DST: variants seen among roughly 807,000 people sequenced by gnomAD.
DST encodes dystonin.
A neutral mutation model predicts 875.2 loss-of-function variants in DST; 253 were observed. That is an observed-to-expected ratio of 0.29 (90% CI 0.26 to 0.32). The LOEUF (loss-of-function observed/expected upper bound fraction) is 0.32, where lower values mean the gene tolerates loss of function less well. Among genes scored for constraint, DST ranks in the 10% least tolerant of loss-of-function variants. The probability of loss-of-function intolerance (pLI) is 1.00; values close to 1 mark genes in which losing one functional copy is unlikely to be tolerated. For missense variants in DST, 8,287 were observed against 9,111.6 expected (o/e 0.91, Z 3.68); for synonymous variants, 3,124 against 3,197.1 (o/e 0.98, Z 0.77).
intron 51 of DST, among the ~76,000 whole-genome samples, chr6:56,573,423 A>G (rs2097807871): frequency 6.6e-6 from 1 of 152,202 alleles, no homozygotes. Flanking sequence ...GATAAACAAG[A>G]TAAGACTCAA....
intron 80 of DST, among the ~76,000 whole-genome samples, chr6:56,498,806 G>T (rs2096012103): frequency 6.6e-6 from 1 of 152,032 alleles, no homozygotes; most frequent in African/African-American, 2.4e-5. Context: ...AATATTGGAA[G>T]GCCCTAAAAC....
intron 64 of DST, among the ~76,000 whole-genome samples, 192 bp downstream of exon 64, chr6:56,532,152 G>C (rs2096906888): frequency 1.3e-5 from 2 of 152,076 alleles, no homozygotes; most frequent in Admixed American, 1.3e-4. Context: ...TAAAAAGTTG[G>C]GATATAGCGG....
intron 24 of DST, 69 bp downstream of exon 24, chr6:56,635,520 C>G: frequency 6.7e-7 from 1 of 1,489,100 alleles, no homozygotes. Flanking sequence ...ATACAAAGTT[C>G]TGCTCATATA....
chr6:56,951,361 A>T (rs1344111088), intron 2 of DST, among the ~76,000 whole-genome samples: 1 of 152,214 alleles, frequency 6.6e-6, no homozygotes, highest in Non-Finnish European at 1.5e-5. Context: ...GTTCAATATG[A>T]CTATGATTTG....
In DST at chr6:56,944,156, C is replaced by G. The variant is rs79579726; in HGVS notation, c.216+9629G>C. Among the ~76,000 whole-genome samples the G allele has an allele frequency of 9.5e-3, 1,451 of 152,228 alleles. 26 individuals are homozygous for G. Among genetic ancestry groups the G allele is most frequent in the African/African-American group, 0.033 (1,360 of 41,534 alleles). On this transcript the variant is annotated intron_variant, in intron 2 of 103. Coordinates refer to ENST00000680361, the MANE Select transcript of DST (RefSeq NM_001374736.1). The stretch of plus-strand genomic sequence containing the variant: ...AAATAAGATACAATATGAAAAGTAT[C>G]TGTCTCTTTCCCCTTAAGGAAAAGA...
At position 56,608,659 on chromosome 6, in the gene DST, T is replaced by G; in HGVS notation, c.5969A>C (p.Gln1990Pro). ...RETMFRLLSAQLLSGGLINSN... is the reference protein window; with the variant it reads ...RETMFRLLSAPLLSGGLINSN... ...ATTGATCAGACCTCCAGAAAGAAGC[T>G]GTGCACTTAACAACCTAAACATGGT... is the stretch of plus-strand genomic sequence containing the variant. Residue 1990 changes from glutamine (Q) to proline (P), a missense_variant, in exon 40 of 104, where the codon CAG becomes CCG. Physicochemically the swap from Gln to Pro is moderately conservative, Grantham distance 76 (BLOSUM62 -1). This residue lies in a region of DST where 3,138 missense variants were observed against 3,116.6 expected (regional missense o/e 1.01). Transcript: ENST00000680361. The G allele has an allele frequency of 5.6e-6, 9 of 1,613,230 alleles. No homozygotes were observed. The highest frequency in any genetic ancestry group is 7.6e-6 in the Non-Finnish European group (9 of 1,179,584).
chr6:56,745,656 A>C (rs2099570073), intron 4 of DST, among the ~76,000 whole-genome samples: 1 of 152,228 alleles, frequency 6.6e-6, no homozygotes, highest in South Asian at 2.1e-4. Flanking sequence ...CACTGTAGAC[A>C]AAGTTTAAAA....
Position 56,894,294 on chromosome 6 carries a change from A to G in DST, c.417+6127T>C, listed in dbSNP as rs1789610269. ...GCAGAGGGGCTCCTCACTTCCCAGT[A>G]GGGGCGGCCGGGCAGAGGCGCCCCT... On this transcript the variant is annotated intron_variant, in intron 3 of 103. Coordinates refer to ENST00000680361, the MANE Select transcript of DST (RefSeq NM_001374736.1). Among the ~76,000 whole-genome samples the G allele has an allele frequency of 3.9e-5, 3 of 77,464 alleles. 1 individual carries two copies. The highest frequency in any genetic ancestry group is 2.1e-4 in the Admixed American group (2 of 9,336). The allele number at this position is 77,464 out of a possible 152,430, so 50.8% of individuals were successfully genotyped here. A position where few individuals can be genotyped will look rare whatever the true frequency, so the allele number is the denominator to read the frequency against.
At chr6:56,841,622 A>G (rs1311180648) in intron 4 of DST, among the ~76,000 whole-genome samples, 3 of 152,202 alleles carry the variant, frequency 2.0e-5, no homozygotes, top group Non-Finnish European at 4.4e-5. Flanking sequence ...AAATTCATTC[A>G]GCTATAATTT....
intron 2 of DST, among the ~76,000 whole-genome samples, chr6:56,934,933 G>A (rs990020406): frequency 1.3e-5 from 2 of 151,936 alleles, no homozygotes; most frequent in African/African-American, 2.4e-5. Context: ...AGCAACTTAG[G>A]TAAAAAAGAG....
At chr6:56,918,907 T>C (rs1250629109) in intron 2 of DST, among the ~76,000 whole-genome samples, 1 of 152,190 alleles carries the variant, frequency 6.6e-6, no homozygotes. Context: ...TATTTATTAG[T>C]AAAGTTAAAA....
intron 4 of DST, among the ~76,000 whole-genome samples, chr6:56,779,498 A>T (rs1319234469): frequency 6.6e-6 from 1 of 151,888 alleles, no homozygotes; most frequent in African/African-American, 2.4e-5. Context: ...GGTTTTCTTC[A>T]AGGGTTTTTA....
intron 10 of DST, among the ~76,000 whole-genome samples, chr6:56,662,292 A>G (rs1376727806): frequency 6.6e-6 from 1 of 152,226 alleles, no homozygotes; most frequent in Non-Finnish European, 1.5e-5. Context: ...TTCCACTTCC[A>G]GGACCTTATC....
chr6:56,556,471 T>A (rs964346935), intron 59 of DST, among the ~76,000 whole-genome samples: 1 of 152,170 alleles, frequency 6.6e-6, no homozygotes, highest in African/African-American at 2.4e-5. Flanking sequence ...TATATTTTAT[T>A]TATCTATCTA....
intron 10 of DST, 141 bp downstream of exon 10, chr6:56,670,500 A>T (rs751690398): frequency 2.0e-5 from 15 of 738,602 alleles, no homozygotes; most frequent in Non-Finnish European, 3.0e-5. Context: ...CACCTGGCCA[A>T]TTTTTTATTT....
At chr6:56,578,746 A>G (rs1179159000) in intron 50 of DST, 68 bp downstream of exon 50, 20 of 1,529,726 alleles carry the variant, frequency 1.3e-5, no homozygotes, top group Admixed American at 7.2e-5. Context: ...ATTTTTCTCC[A>G]TATCTATTAG....
chr6:56,859,628 A>T (rs1369443336), intron 3 of DST, among the ~76,000 whole-genome samples: 1 of 152,232 alleles, frequency 6.6e-6, no homozygotes, highest in African/African-American at 2.4e-5. Context: ...ACTAGAAAAT[A>T]CTTAATCTTA....
Position 56,552,225 on chromosome 6 carries a change from T to A in DST, c.16567A>T (p.Met5523Leu). Reference protein sequence around the residue: ...EHEESQGPVGMETETINQQLN... With the variant: ...EHEESQGPVGLETETINQQLN... Reference sequence around the variant, plus strand: ...TGCTGATTAATTGTCTCCGTTTCCATACCAACAGGACCTTGTGACTCTTCA... The same window carrying A: ...TGCTGATTAATTGTCTCCGTTTCCAAACCAACAGGACCTTGTGACTCTTCA... Residue 5523 changes from methionine (M) to leucine (L), a missense_variant, in exon 61 of 104, where the codon ATG becomes TTG. Met to Leu is a conservative substitution (Grantham distance 15). Coordinates refer to ENST00000680361, the MANE Select transcript of DST (RefSeq NM_001374736.1). 1 of 1,613,538 alleles carries A rather than the reference T, an allele frequency of 6.2e-7. No individual in the cohort carries two copies. The highest frequency in any genetic ancestry group is 8.5e-7 in the Non-Finnish European group (1 of 1,179,732).
intron 4 of DST, among the ~76,000 whole-genome samples, chr6:56,831,503 C>T (rs1350634289): frequency 3.9e-5 from 6 of 151,974 alleles, no homozygotes; most frequent in African/African-American, 1.5e-4. Flanking sequence ...GAAATTCTGC[C>T]TTCCTTCAAA....
Sources: gnomAD v4.1 joint callset for allele counts (sites outside exome capture counted in the v4.1 genomes callset) on GRCh38, gnomAD v4.1.1 for gene constraint, gnomAD v4.1.1 regional missense constraint, MANE v1.5 for transcripts, NCBI Gene and HGNC (gene_info 2026-07-23, HGNC 2026-07-21) for gene names.